Variants in FMO1 observed in about 807,000 individuals in gnomAD.
FMO1 encodes the protein flavin-containing monooxygenase 1.
In FMO1, 36 loss-of-function variants were observed where a neutral mutation model predicts 45.4. The observed-to-expected ratio is 0.79, with a 90% confidence interval of 0.61 to 1.05. FMO1 has a LOEUF of 1.05. Among genes scored for constraint, FMO1 ranks in the 50% least tolerant of loss-of-function variants. The pLI is 0.00. For synonymous variants in FMO1, 228 were observed against 227.2 expected, an observed-to-expected ratio of 1.00 and a Z score of -0.03; for missense variants, 615 against 640.3, an observed-to-expected ratio of 0.96 and a Z score of 0.43.
chr1:171,259,111 C>G (rs1246280033), intron 2 of FMO1, among the ~76,000 whole-genome samples: 2 of 152,166 alleles, frequency 1.3e-5, no homozygotes, highest in Admixed American at 1.3e-4. Context: ...TGAAAAGAAG[C>G]AAGGTATCAG....
intron 3 of FMO1, among the ~76,000 whole-genome samples, chr1:171,270,211 C>T (rs1660791039): frequency 2.6e-5 from 4 of 152,138 alleles, no homozygotes; most frequent in Non-Finnish European, 5.9e-5. Flanking sequence ...TTCTAGTAAT[C>T]CCATGCTTTG....
chr1:171,277,938 C>T (rs972356550), intron 4 of FMO1, among the ~76,000 whole-genome samples: 6 of 152,154 alleles, frequency 3.9e-5, no homozygotes, highest in Admixed American at 3.9e-4. Context: ...CTTTGTTTAG[C>T]ACATATTACT....
chr1:171,267,627 C>G lies in FMO1; in HGVS notation c.217C>G (p.Pro73Ala). Residue 73 changes from proline to alanine, a missense_variant, in exon 3 of 9, where the codon CCA (proline) becomes GCA (alanine). Transcript: ENST00000617670. The part of the protein sequence containing the change: ...CKEMSCYSDF[P>A]FPEDYPNYVP... ...GGAGATGTCTTGTTACTCAGACTTT[C>G]CATTCCCAGAAGATTATCCAAACTA... The G allele has an allele frequency of 6.2e-7, 1 of 1,613,910 alleles. No individual in the cohort carries two copies.
intron 4 of FMO1, among the ~76,000 whole-genome samples, chr1:171,277,517 T>C (rs1306353070): frequency 1.3e-5 from 2 of 152,170 alleles, no homozygotes; most frequent in African/African-American, 4.8e-5. Flanking sequence ...TTACTCTGTC[T>C]TTCTGTGAGA....
At chr1:171,273,369 C>A (rs1037497559) in intron 3 of FMO1, among the ~76,000 whole-genome samples, 1 of 152,196 alleles carries the variant, frequency 6.6e-6, no homozygotes, top group African/African-American at 2.4e-5. Flanking sequence ...TTTTATTCCA[C>A]TTCCTTATTT....
Position 171,285,655 on chromosome 1 carries a change from C to T in FMO1, c.*111C>T, listed in dbSNP as rs12954. On this transcript the variant is annotated 3_prime_UTR_variant, in exon 9 of 9. Coordinates refer to ENST00000617670, the MANE Select transcript of FMO1 (RefSeq NM_001282693.2). The stretch of plus-strand genomic sequence containing the variant: ...ATAAACTGTATTCAAATAGTAAAGG[C>T]CACCCTCTCGCTTCCCTGGCTGGCC... 0.14 allele frequency: 79,162 copies of T among 570,896 alleles called. 6,093 individuals carry two copies. Among genetic ancestry groups the T allele is most frequent in the East Asian group, 0.25 (7,401 of 29,608 alleles). The allele number at this position is 570,896 out of a possible 1,614,324, so 35.4% of individuals were successfully genotyped here.
chr1:171,254,236 A>G lies in FMO1; in HGVS notation c.-6-3846A>G, dbSNP rs890710829. Among the ~76,000 whole-genome samples the G allele has an allele frequency of 3.3e-5, 5 of 152,134 alleles. No homozygotes were observed. In the South Asian group the frequency reaches 8.3e-4, roughly 25 times the overall value. ...CCCAAGTAGCTGGGATTACAGGTGC[A>G]CACCACCATGCCCAGCTAACTTTTT... On this transcript the variant is annotated intron_variant, in intron 1 of 8. Coordinates refer to ENST00000617670, the MANE Select transcript of FMO1 (RefSeq NM_001282693.2).
chr1:171,266,997 C>T (rs575250267), intron 2 of FMO1, among the ~76,000 whole-genome samples: 34 of 152,330 alleles, frequency 2.2e-4, no homozygotes, highest in African/African-American at 7.9e-4. Context: ...TGCTTCCTCT[C>T]TCAACCCCTA....
intron 3 of FMO1, among the ~76,000 whole-genome samples, chr1:171,275,057 T>A (rs887401446): frequency 1.4e-4 from 21 of 152,238 alleles, no homozygotes; most frequent in African/African-American, 4.8e-4. Flanking sequence ...GAAAAAGGCA[T>A]CAGAAACTTA....
intron 3 of FMO1, among the ~76,000 whole-genome samples, chr1:171,269,934 T>C (rs1307278712): frequency 1.3e-5 from 2 of 152,220 alleles, no homozygotes; most frequent in Admixed American, 1.3e-4. Flanking sequence ...TCCTGAGCAG[T>C]CCATATTTAG....
intron 5 of FMO1, among the ~76,000 whole-genome samples, chr1:171,280,551 T>C (rs1487361123): frequency 6.6e-6 from 1 of 152,224 alleles, no homozygotes; most frequent in Non-Finnish European, 1.5e-5. Context: ...AGATAATAAG[T>C]ATTCAATAAT....
rs548545403 is a variant in FMO1 at position 171,283,634 on chromosome 1, C to T, written c.1256+418C>T. 3.3e-5 allele frequency among the ~76,000 whole-genome samples: 5 copies of T among 152,284 alleles called. No homozygotes were observed. In the South Asian group the frequency reaches 1.0e-3, roughly 32 times the overall value. ...CTGCTCATTCATTCACTGAACAAGT[C>T]TCTATCAGCTCTATTGTTTTTATTC... is the stretch of plus-strand genomic sequence containing the variant. On this transcript the variant is annotated intron_variant, in intron 8 of 8. Coordinates refer to ENST00000617670, the MANE Select transcript of FMO1 (RefSeq NM_001282693.2).
intron 3 of FMO1, among the ~76,000 whole-genome samples, chr1:171,274,964 A>G (rs930674000): frequency 2.6e-5 from 4 of 152,238 alleles, no homozygotes; most frequent in Non-Finnish European, 5.9e-5. Context: ...TTTCAATTAT[A>G]TCTTACCCAT....
chr1:171,268,919 C>G (rs1385573660), intron 3 of FMO1, among the ~76,000 whole-genome samples: 2 of 152,142 alleles, frequency 1.3e-5, no homozygotes, highest in Non-Finnish European at 2.9e-5. Context: ...CAGGTCTTTC[C>G]CATGCTGTTC....
chr1:171,255,969 T>A (rs1040455059), intron 1 of FMO1, among the ~76,000 whole-genome samples: 2 of 152,126 alleles, frequency 1.3e-5, no homozygotes, highest in African/African-American at 4.8e-5. Context: ...GGCTACTATG[T>A]CATACAAAAA....
At chr1:171,274,235 T>C (rs995116841) in intron 3 of FMO1, among the ~76,000 whole-genome samples, 1 of 151,586 alleles carries the variant, frequency 6.6e-6, no homozygotes, top group African/African-American at 2.4e-5. Flanking sequence ...TTCTCATTCC[T>C]CTGTATATAT....
At chr1:171,252,214 C>G (rs1310590209) in intron 1 of FMO1, among the ~76,000 whole-genome samples, 1 of 152,114 alleles carries the variant, frequency 6.6e-6, no homozygotes, top group Admixed American at 6.5e-5. Context: ...CTACAGGATG[C>G]GATGCCAGAT....
At chr1:171,258,005 T>C (rs1181066547) in intron 1 of FMO1, 77 bp from the exon 2 acceptor site, 68 of 1,565,330 alleles carry the variant, frequency 4.3e-5, no homozygotes, top group Non-Finnish European at 5.9e-5. Context: ...TCCAAATTCT[T>C]TTTCCTGGCT....
rs1244936751 is a variant in FMO1, at chr1:171,285,538, C to T, written c.1593C>T (p.Phe531=). 6.7e-7 allele frequency: 1 copy of T among 1,501,882 alleles called. No individual in the cohort carries two copies. The highest frequency in any genetic ancestry group is 8.9e-7 in the Non-Finnish European group (1 of 1,123,574). The allele number at this position is 1,501,882 out of a possible 1,614,324, so 93.0% of individuals were successfully genotyped here. ...LALLVAIFLI[F]L ...TGCTTGTGGCTATTTTTCTGATTTT[C>T]CTATAAGTAAAAGATCTCCTAAATG... Residue 531 remains phenylalanine (F), a synonymous_variant, in exon 9 of 9, where the codon TTC becomes TTT. Transcript: ENST00000617670.
Sources: allele counts gnomAD v4.1 joint callset (sites outside exome capture counted in the v4.1 genomes callset), GRCh38; gene constraint gnomAD v4.1.1; transcripts MANE v1.5; gene names NCBI Gene and HGNC (gene_info 2026-07-23, HGNC 2026-07-21).